NKAIN2: variants seen among roughly 807,000 people sequenced by gnomAD.
The protein encoded by NKAIN2 is sodium/potassium transporting ATPase interacting 2, also known as sodium/potassium-transporting ATPase subunit beta-1-interacting protein 2.
NKAIN2 carries 14 observed loss-of-function variants against 32.6 expected under a neutral mutation model. The observed-to-expected ratio is 0.43, with a 90% CI of 0.28 to 0.67. The LOEUF (loss-of-function observed/expected upper bound fraction) is 0.67, where lower values mean the gene tolerates loss of function less well. Among genes scored for constraint, NKAIN2 ranks in the 30% least tolerant of loss-of-function variants. NKAIN2 has a pLI of 0.17. For synonymous variants in NKAIN2, 80 were observed against 87.2 expected, an observed-to-expected ratio of 0.92 and a Z score of 0.46; for missense variants, 198 against 258.3, an observed-to-expected ratio of 0.77 and a Z score of 1.60.
chr6:124,524,801 T>C (rs1779251383), intron 3 of NKAIN2, among the ~76,000 whole-genome samples: 1 of 152,240 alleles, frequency 6.6e-6, no homozygotes, highest in Admixed American at 6.5e-5. Flanking sequence ...TTTGAATCAA[T>C]ATGCTTTTTT....
At chr6:124,152,114 C>T (rs973987886) in intron 1 of NKAIN2, among the ~76,000 whole-genome samples, 2 of 151,862 alleles carry the variant, frequency 1.3e-5, no homozygotes, top group African/African-American at 4.8e-5. Context: ...TATGATCTAT[C>T]TCAAATTATT....
At chr6:124,530,892 G>A (rs532626313) in intron 3 of NKAIN2, among the ~76,000 whole-genome samples, 1 of 152,286 alleles carries the variant, frequency 6.6e-6, no homozygotes, top group Non-Finnish European at 1.5e-5. Flanking sequence ...GAATGAATTA[G>A]CCCTTCTTCC....
intron 3 of NKAIN2, among the ~76,000 whole-genome samples, chr6:124,417,399 A>G (rs889281458): frequency 1.3e-5 from 2 of 152,218 alleles, no homozygotes; most frequent in African/African-American, 2.4e-5. Flanking sequence ...AAGATAAAAC[A>G]ATAGAAATTA....
intron 4 of NKAIN2, among the ~76,000 whole-genome samples, chr6:124,789,249 A>C (rs1779637144): frequency 6.6e-6 from 1 of 152,104 alleles, no homozygotes; most frequent in Non-Finnish European, 1.5e-5. Context: ...TTCATTTCAA[A>C]GAAATGAATT....
At chr6:124,501,974 C>T (rs1778309836) in intron 3 of NKAIN2, among the ~76,000 whole-genome samples, 1 of 152,050 alleles carries the variant, frequency 6.6e-6, no homozygotes, top group Non-Finnish European at 1.5e-5. Context: ...GGCATGATAG[C>T]TGGTGCCTGT....
At chr6:123,843,224 TC>T (rs1312046552) in intron 1 of NKAIN2, among the ~76,000 whole-genome samples, 1 of 152,160 alleles carries the variant, frequency 6.6e-6, no homozygotes, top group East Asian at 1.9e-4. Context: ...CGAATTCTTG[TC>T]CAGAATCCAG....
At position 123,868,069 on chromosome 6, in the gene NKAIN2, T is replaced by C. The variant is rs551398626; in HGVS notation, c.54+63815T>C. 4.1e-4 allele frequency among the ~76,000 whole-genome samples: 63 copies of C among 152,026 alleles called. No homozygotes were observed. In the East Asian group the frequency reaches 4.5e-3, roughly 11 times the overall value. On this transcript the variant is annotated intron_variant, in intron 1 of 6. Coordinates refer to ENST00000368417, the MANE Select transcript of NKAIN2 (RefSeq NM_001040214.3). ...ATTTTTAGTAGAGACAGGGTTTCAC[T>C]GTGTTAGCCAGGATGGTCTTGATCT...
chr6:124,477,124 A>G (rs915953783), intron 3 of NKAIN2, among the ~76,000 whole-genome samples: 4 of 152,192 alleles, frequency 2.6e-5, no homozygotes, highest in Non-Finnish European at 5.9e-5. Flanking sequence ...CGCATCTCTT[A>G]TAAAGCTTTT....
intron 3 of NKAIN2, among the ~76,000 whole-genome samples, chr6:124,526,948 T>TA (rs1318594611): frequency 2.6e-5 from 4 of 152,196 alleles, no homozygotes; most frequent in African/African-American, 9.7e-5. Context: ...TTTTTTTCCT[T>TA]ATTAGCCTCA....
chr6:124,004,954 G>T (rs1167285993), intron 1 of NKAIN2, among the ~76,000 whole-genome samples: 4 of 151,552 alleles, frequency 2.6e-5, no homozygotes, highest in African/African-American at 9.7e-5. Flanking sequence ...GCTGGGTGCA[G>T]TGACACATGT....
At chr6:123,985,723 T>C (rs1779106234) in intron 1 of NKAIN2, among the ~76,000 whole-genome samples, 1 of 152,114 alleles carries the variant, frequency 6.6e-6, no homozygotes, top group Non-Finnish European at 1.5e-5. Context: ...TTATGGTATG[T>C]TTGGTTTCAA....
intron 3 of NKAIN2, among the ~76,000 whole-genome samples, chr6:124,441,434 G>A (rs572262921): frequency 6.6e-6 from 1 of 152,178 alleles, no homozygotes; most frequent in African/African-American, 2.4e-5. Flanking sequence ...TAGTGACACT[G>A]GCAGGAGTGA....
intron 4 of NKAIN2, among the ~76,000 whole-genome samples, chr6:124,774,987 T>C (rs1392049148): frequency 6.6e-6 from 1 of 151,708 alleles, no homozygotes; most frequent in Non-Finnish European, 1.5e-5. Flanking sequence ...AAAATAAACC[T>C]CCAATTCTAG....
intron 1 of NKAIN2, among the ~76,000 whole-genome samples, chr6:123,901,178 A>G (rs1481961209): frequency 6.6e-6 from 1 of 152,058 alleles, no homozygotes; most frequent in Non-Finnish European, 1.5e-5. Context: ...CCAGCTTCTA[A>G]TTTTATTTGT....
At chr6:124,822,131 A>T (rs1781419819) in intron 6 of NKAIN2, among the ~76,000 whole-genome samples, 1 of 152,100 alleles carries the variant, frequency 6.6e-6, no homozygotes, top group South Asian at 2.1e-4. Context: ...ATTTTACATT[A>T]CGCACTGTTA....
chr6:124,716,241 C>T (rs1373613981), intron 4 of NKAIN2, among the ~76,000 whole-genome samples: 1 of 152,212 alleles, frequency 6.6e-6, no homozygotes, highest in African/African-American at 2.4e-5. Flanking sequence ...ATGCCTACTG[C>T]ACCCACCAAC....
chr6:124,806,284 G>T (rs758076816), intron 5 of NKAIN2, among the ~76,000 whole-genome samples: 6 of 152,226 alleles, frequency 3.9e-5, no homozygotes, highest in Admixed American at 3.3e-4. Context: ...GACTAACAGC[G>T]GATCTCTTGG....
In NKAIN2 at chr6:123,823,049, G is replaced by C. The variant is rs538411788; in HGVS notation, c.54+18795G>C. 9.2e-5 allele frequency among the ~76,000 whole-genome samples: 14 copies of C among 152,234 alleles called. No individual in the cohort carries two copies. The East Asian group carries it at 2.3e-3, about 25-fold the overall frequency. On this transcript the variant is annotated intron_variant, in intron 1 of 6. Coordinates refer to ENST00000368417, the MANE Select transcript of NKAIN2 (RefSeq NM_001040214.3). Reference sequence around the variant, plus strand: ...TAAGGAAAAGTAAGTAGAAAACAGAGGACCAATTCAAATGGAGGAGGCTGG... The same window carrying C: ...TAAGGAAAAGTAAGTAGAAAACAGACGACCAATTCAAATGGAGGAGGCTGG...
intron 6 of NKAIN2, among the ~76,000 whole-genome samples, chr6:124,819,891 C>A (rs1233897435): frequency 3.3e-5 from 5 of 152,078 alleles, no homozygotes; most frequent in African/African-American, 9.7e-5. Flanking sequence ...CTCCCCTTAG[C>A]CATTTTTTTC....
Sources: allele counts gnomAD v4.1 joint callset (sites outside exome capture counted in the v4.1 genomes callset), GRCh38; gene constraint gnomAD v4.1.1; transcripts MANE v1.5; gene names NCBI Gene and HGNC (gene_info 2026-07-23, HGNC 2026-07-21).